Variants in NWD1 observed in about 807,000 individuals in gnomAD.
NWD1 encodes the protein NACHT and WD repeat domain containing 1, also known as NACHT domain- and WD repeat-containing protein 1.
NWD1 carries 129 observed loss-of-function variants against 135.1 expected under a neutral mutation model. The ratio of observed to expected loss-of-function variants is 0.96; its 90% CI spans 0.83 to 1.11. The LOEUF (loss-of-function observed/expected upper bound fraction) is 1.11, where lower values mean the gene tolerates loss of function less well. Among genes scored for constraint, NWD1 ranks in the 50% least tolerant of loss-of-function variants. NWD1 has a pLI of 0.00. For synonymous variants in NWD1, 773 were observed against 786.0 expected (o/e 0.98, Z 0.28); for missense variants, 1,740 against 1,851.3 (o/e 0.94, Z 1.10).
At chr19:16,767,724 A>T (rs1969276299) in intron 10 of NWD1, among the ~76,000 whole-genome samples, 1 of 151,996 alleles carries the variant, frequency 6.6e-6, no homozygotes, top group Non-Finnish European at 1.5e-5. Flanking sequence ...CTCCCTCAAC[A>T]TGTGGGGATT....
At chr19:16,764,885 C>T in intron 9 of NWD1, 149 bp from the exon 10 acceptor site, 1 of 845,266 alleles carries the variant, frequency 1.2e-6, no homozygotes, top group Non-Finnish European at 1.8e-6. Flanking sequence ...CATAGTTCAG[C>T]CCCTTACCAC....
intron 6 of NWD1, among the ~76,000 whole-genome samples, chr19:16,751,224 CAAAA>C (rs11307357): frequency 8.7e-6 from 1 of 114,346 alleles, no homozygotes. Context: ...AACTCGATCT[CAAAA>C]AAAAAAAAAA....
intron 11 of NWD1, among the ~76,000 whole-genome samples, chr19:16,778,494 C>CTTCTTTTTTTT (rs200410922): frequency 1.3e-4 from 14 of 107,566 alleles, no homozygotes; most frequent in African/African-American, 4.7e-4. Context: ...TCTTCTTCTT[C>CTTCTTTTTTTT]TTTTTTTTTT....
At chr19:16,737,093 G>T (rs929679848) in intron 4 of NWD1, among the ~76,000 whole-genome samples, 1 of 151,742 alleles carries the variant, frequency 6.6e-6, no homozygotes, top group East Asian at 1.9e-4. Context: ...CCATGGAAAA[G>T]GTGGAAACCC....
intron 6 of NWD1, among the ~76,000 whole-genome samples, chr19:16,754,202 C>G (rs754141440): frequency 6.6e-6 from 1 of 150,832 alleles, no homozygotes; most frequent in Non-Finnish European, 1.5e-5. Flanking sequence ...TCCATCCTTC[C>G]GTCCATTCTC....
chr19:16,772,010 A>T (rs1436308019), intron 10 of NWD1, among the ~76,000 whole-genome samples: 4 of 152,036 alleles, frequency 2.6e-5, no homozygotes, highest in Non-Finnish European at 5.9e-5. Flanking sequence ...TTAGGTTCAC[A>T]GCAAAATTGA....
rs1203071450 is a variant in NWD1, at chr19:16,789,088, T to A, written c.2838T>A (p.Phe946Leu). 1 of 1,613,844 alleles carries A rather than the reference T, an allele frequency of 6.2e-7. No individual in the cohort carries two copies. Among genetic ancestry groups the A allele is most frequent in the Non-Finnish European group, 8.5e-7 (1 of 1,179,848 alleles). ...ACTTACTCTCTGGCCAGGAGAAATT[T>A]ACCATTTGGGATGGAGGCTCAAAAA... ...LWNLLSGQEKFTIWDGGSKNP... is the reference protein window; with the variant it reads ...LWNLLSGQEKLTIWDGGSKNP... Residue 946 changes from phenylalanine to leucine, a missense_variant, in exon 13 of 19, where the codon TTT (phenylalanine) becomes TTA (leucine). By Grantham distance (22) the Phe-to-Leu change is conservative. Transcript: ENST00000524140.
chr19:16,720,588 G>C (rs1207757736), intron 1 of NWD1, among the ~76,000 whole-genome samples: 1 of 151,934 alleles, frequency 6.6e-6, no homozygotes, highest in African/African-American at 2.4e-5. Flanking sequence ...ACGGAGTCTC[G>C]CTCTGTCACT....
At chr19:16,756,310 G>A (rs545345606) in intron 6 of NWD1, among the ~76,000 whole-genome samples, 4 of 152,236 alleles carry the variant, frequency 2.6e-5, no homozygotes, top group Non-Finnish European at 4.4e-5. Context: ...AGTGGAAGTG[G>A]ATATCACAAA....
intron 1 of NWD1, among the ~76,000 whole-genome samples, chr19:16,721,942 T>C (rs1474352386): frequency 6.6e-6 from 1 of 151,470 alleles, no homozygotes; most frequent in Admixed American, 6.6e-5. Flanking sequence ...GAGACTCCCG[T>C]CCCTACAAAA....
chr19:16,811,811 T>G (rs551771477), intron 18 of NWD1, among the ~76,000 whole-genome samples: 56 of 152,080 alleles, frequency 3.7e-4, no homozygotes, highest in African/African-American at 1.2e-3. Context: ...AGGTCAGGAG[T>G]TTGGGACCAG....
chr19:16,774,513 A>G (rs1969532242), intron 11 of NWD1, among the ~76,000 whole-genome samples: 1 of 149,294 alleles, frequency 6.7e-6, no homozygotes, highest in Admixed American at 6.7e-5. Flanking sequence ...CTACCCTACC[A>G]CTGTTTCATT....
At position 16,751,690 on chromosome 19, in the gene NWD1, G is replaced by C. The variant is rs574999803; in HGVS notation, c.1769+1279G>C. On this transcript the variant is annotated intron_variant, in intron 6 of 18. Transcript: ENST00000524140. ...GTGGCGGTCACCTGTAATCCCAGCT[G>C]CTTGGGAGGCTGAGGCAGGAGAATC... 9.9e-5 allele frequency among the ~76,000 whole-genome samples: 15 copies of C among 151,306 alleles called. No homozygotes were observed. The East Asian group carries it at 2.9e-3, about 30-fold the overall frequency.
intron 17 of NWD1, among the ~76,000 whole-genome samples, chr19:16,803,341 G>A (rs1970658639): frequency 6.6e-6 from 1 of 152,086 alleles, no homozygotes; most frequent in African/African-American, 2.4e-5. Flanking sequence ...GACTTAGACA[G>A]GCCCCAGCTC....
chr19:16,786,162 C>G (rs927442525), intron 12 of NWD1, among the ~76,000 whole-genome samples: 7 of 149,786 alleles, frequency 4.7e-5, no homozygotes, highest in African/African-American at 1.8e-4. Flanking sequence ...ACTGTGCCAG[C>G]CTATTTTTAT....
chr19:16,808,553 A>AGAAAAGAAAG (rs1479583352), intron 18 of NWD1, among the ~76,000 whole-genome samples: 1 of 151,636 alleles, frequency 6.6e-6, no homozygotes, highest in African/African-American at 2.4e-5. Context: ...TAAAAAAAAA[A>AGAAAAGAAAG]GAAAAGAAAA....
intron 4 of NWD1, among the ~76,000 whole-genome samples, chr19:16,743,975 G>A (rs561862043): frequency 6.6e-5 from 10 of 152,136 alleles, no homozygotes; most frequent in East Asian, 1.9e-4. Flanking sequence ...GAGCCACCGC[G>A]CCTGGCCGAT....
intron 18 of NWD1, among the ~76,000 whole-genome samples, chr19:16,811,482 G>A (rs745455946): frequency 4.0e-5 from 6 of 151,776 alleles, no homozygotes; most frequent in Non-Finnish European, 8.8e-5. Flanking sequence ...TACTTGGGAG[G>A]TTGAGGCAAG....
chr19:16,798,952 A>AC (rs1970509000), intron 16 of NWD1, among the ~76,000 whole-genome samples: 1 of 151,290 alleles, frequency 6.6e-6, no homozygotes, highest in African/African-American at 2.4e-5. Context: ...AAAAAAAAAA[A>AC]CATTAAAAGT....
Sources: allele counts gnomAD v4.1 joint callset (sites outside exome capture counted in the v4.1 genomes callset), GRCh38; gene constraint gnomAD v4.1.1; transcripts MANE v1.5; gene names NCBI Gene and HGNC (gene_info 2026-07-23, HGNC 2026-07-21).